The following BFAR variants were observed in gnomAD, a reference collection of about 807,000 sequenced individuals.
BFAR encodes RING finger protein 47.
A neutral mutation model predicts 54.4 loss-of-function variants in BFAR; 52 were observed. The ratio of observed to expected loss-of-function variants is 0.96; its 90% confidence interval spans 0.77 to 1.21. The LOEUF (loss-of-function observed/expected upper bound fraction) is 1.21, where lower values mean the gene tolerates loss of function less well. Among genes scored for constraint, BFAR ranks in the 50% most tolerant of loss-of-function variants. The pLI is 0.00. For synonymous variants in BFAR, 215 were observed against 204.3 expected (o/e 1.05, Z -0.45); for missense variants, 571 against 534.0 (o/e 1.07, Z -0.68).
intron 6 of BFAR, 115 bp downstream of exon 6, chr16:14,662,180 T>C: frequency 2.5e-6 from 3 of 1,223,882 alleles, no homozygotes; most frequent in Non-Finnish European, 3.5e-6. Context: ...TCCTTCAGAA[T>C]GTCTGGTAGG....
rs1053454391 is a variant in BFAR at position 14,647,327 on chromosome 16, T to C, written c.264-1061T>C. Among the ~76,000 whole-genome samples the C allele has an allele frequency of 6.0e-4, 91 of 151,262 alleles. 1 individual carries two copies. Among genetic ancestry groups the C allele is most frequent in the Admixed American group, 2.6e-4 (4 of 15,188 alleles). ...CTGGAACTCCTGACCTTAAGTGATC[T>C]GCCCACCTCGGCCTCCCAAAGTGCT... On this transcript the variant is annotated intron_variant, in intron 2 of 7. Transcript: ENST00000261658.
chr16:14,634,086 C>T (rs996611802), intron 1 of BFAR, among the ~76,000 whole-genome samples: 3 of 152,226 alleles, frequency 2.0e-5, no homozygotes, highest in Non-Finnish European at 2.9e-5. Context: ...AGAGCCTAGA[C>T]GCTGTTAAGC....
At chr16:14,647,129 G>C (rs1256651435) in intron 2 of BFAR, among the ~76,000 whole-genome samples, 3 of 151,552 alleles carry the variant, frequency 2.0e-5, no homozygotes, top group Admixed American at 2.0e-4. Flanking sequence ...CTGTTGCCCA[G>C]GCTGGAGTGC....
intron 1 of BFAR, among the ~76,000 whole-genome samples, chr16:14,642,692 C>A (rs987007513): frequency 6.6e-6 from 1 of 152,122 alleles, no homozygotes; most frequent in African/African-American, 2.4e-5. Flanking sequence ...TCACTCACTT[C>A]TTGGAATTGC....
intron 1 of BFAR, among the ~76,000 whole-genome samples, chr16:14,640,312 C>T (rs985015730): frequency 1.3e-5 from 2 of 152,076 alleles, no homozygotes; most frequent in African/African-American, 4.8e-5. Context: ...GATGAAAGCT[C>T]GGGGGTCAGG....
At chr16:14,649,729 C>T in intron 3 of BFAR, 75 bp from the exon 4 acceptor site, 2 of 1,360,128 alleles carry the variant, frequency 1.5e-6, no homozygotes, top group Non-Finnish European at 2.0e-6. Context: ...TTCCTTTCCC[C>T]ACCTCCCACC....
At position 14,655,209 on chromosome 16, in the gene BFAR, A is replaced by T; in HGVS notation, c.782A>T (p.Lys261Met). The T allele has an allele frequency of 7.1e-7, 1 of 1,414,854 alleles. No homozygotes were observed. Among genetic ancestry groups the T allele is most frequent in the Non-Finnish European group, 9.3e-7 (1 of 1,078,340 alleles). The allele number at this position is 1,414,854 out of a possible 1,614,324, so 87.6% of individuals were successfully genotyped here. The change falls in exon 5 of 8, where the codon AAG becomes ATG. Residue 261 changes from lysine (K) to methionine (M), a missense_variant and splice_region_variant. Physicochemically the swap from Lys to Met is moderately conservative, Grantham distance 95. Transcript: ENST00000261658. ...CCCCCCCAGAATCTCTGGGAATATA[A>T]GGTGAACACTTTAATTTTTTTTTTT... is the stretch of plus-strand genomic sequence containing the variant. ...VKPPQNLWEY[K>M]AVNPGRSLFL...
At chr16:14,653,403 C>A (rs1322754826) in intron 4 of BFAR, among the ~76,000 whole-genome samples, 4 of 152,088 alleles carry the variant, frequency 2.6e-5, no homozygotes. Flanking sequence ...TCTTGGCTCA[C>A]TGCAACCTTC....
At chr16:14,663,960 G>T (rs541772148) in intron 6 of BFAR, among the ~76,000 whole-genome samples, 2 of 151,378 alleles carry the variant, frequency 1.3e-5, no homozygotes, top group African/African-American at 2.4e-5. Flanking sequence ...GATTAATTAC[G>T]GCCGGGTGCG....
intron 4 of BFAR, among the ~76,000 whole-genome samples, chr16:14,650,997 C>A (rs1220591207): frequency 6.6e-6 from 1 of 152,144 alleles, no homozygotes; most frequent in South Asian, 2.1e-4. Context: ...AGGAAAAATT[C>A]TCTCTAATCA....
At chr16:14,662,197 G>A (rs1275330536) in intron 6 of BFAR, 132 bp downstream of exon 6, 1 of 1,061,862 alleles carries the variant, frequency 9.4e-7, no homozygotes, top group Non-Finnish European at 1.4e-6. Flanking sequence ...TAGGTCATTT[G>A]AGAGTAATAT....
At chr16:14,638,498 T>C (rs138633317) in intron 1 of BFAR, among the ~76,000 whole-genome samples, 14 of 152,352 alleles carry the variant, frequency 9.2e-5, no homozygotes, top group African/African-American at 3.4e-4. Flanking sequence ...AATAAATGTA[T>C]GTTGAGTGAA....
intron 7 of BFAR, among the ~76,000 whole-genome samples, chr16:14,667,008 G>A (rs1187703383): frequency 6.6e-6 from 1 of 152,040 alleles, no homozygotes; most frequent in African/African-American, 2.4e-5. Context: ...GAGTTCAAGT[G>A]CAGCCTGGGC....
chr16:14,642,624 G>A (rs1355232498), intron 1 of BFAR, among the ~76,000 whole-genome samples: 1 of 152,160 alleles, frequency 6.6e-6, no homozygotes, highest in African/African-American at 2.4e-5. Context: ...TTGATTTGGA[G>A]GGAAAGGGTA....
intron 3 of BFAR, 119 bp from the exon 4 acceptor site, chr16:14,649,685 C>T (rs752855354): frequency 2.6e-5 from 22 of 860,300 alleles, no homozygotes; most frequent in Non-Finnish European, 3.7e-5. Context: ...CTTCTGTGTA[C>T]GGGCTCCGCA....
intron 7 of BFAR, among the ~76,000 whole-genome samples, chr16:14,665,443 G>A (rs1305021895): frequency 6.6e-6 from 1 of 152,178 alleles, no homozygotes; most frequent in Non-Finnish European, 1.5e-5. Flanking sequence ...AGGAAGCTGA[G>A]GGGCTGAAGG....
At chr16:14,664,698 C>T (rs1023464923) in intron 6 of BFAR, among the ~76,000 whole-genome samples, 171 bp from the exon 7 acceptor site, 1 of 152,118 alleles carries the variant, frequency 6.6e-6, no homozygotes, top group African/African-American at 2.4e-5. Context: ...TGGGGTTTCA[C>T]CATGTTGGCC....
Position 14,668,820 on chromosome 16 carries a change from AGG to A in BFAR, c.*995_*996del, listed in dbSNP as rs1432412737. On this transcript the variant is annotated 3_prime_UTR_variant, in exon 8 of 8. Coordinates refer to ENST00000261658, the MANE Select transcript of BFAR (RefSeq NM_016561.3). ...CACTGCACTTCAGCCTGGGTGACAG[AGG>A]GAGACTCTGTCTTAAAAAAAAAAAA... is the stretch of plus-strand genomic sequence containing the variant. 5.6e-6 allele frequency: 1 copy of A among 178,346 alleles called. No individual in the cohort carries two copies. Among genetic ancestry groups the A allele is most frequent in the East Asian group, 1.6e-4 (1 of 6,156 alleles). 11.0% of individuals were successfully genotyped at this position (178,346 alleles called of 1,614,324 possible). A position where few individuals can be genotyped will look rare whatever the true frequency, so the allele number is the denominator to read the frequency against.
At chr16:14,654,271 A>G (rs977307718) in intron 4 of BFAR, among the ~76,000 whole-genome samples, 8 of 151,960 alleles carry the variant, frequency 5.3e-5, no homozygotes, top group Non-Finnish European at 1.0e-4. Context: ...TCGGCCTCCC[A>G]AAGTGCGAAC....
Sources: allele counts gnomAD v4.1 joint callset (sites outside exome capture counted in the v4.1 genomes callset), GRCh38; gene constraint gnomAD v4.1.1; transcripts MANE v1.5; gene names NCBI Gene and HGNC (gene_info 2026-07-23, HGNC 2026-07-21).